Variants in CUL1 observed in about 807,000 individuals in gnomAD.
The protein encoded by CUL1 is cullin 1.
A neutral mutation model predicts 118.0 loss-of-function variants in CUL1; 24 were observed. The ratio of observed to expected loss-of-function variants is 0.20; its 90% CI spans 0.15 to 0.29. CUL1 has a LOEUF of 0.29. Among genes scored for constraint, CUL1 ranks in the 10% least tolerant of loss-of-function variants. The pLI is 1.00. For synonymous variants in CUL1, 332 were observed against 340.4 expected (o/e 0.98, Z 0.27); for missense variants, 361 against 933.8 (o/e 0.39, Z 7.99).
chr7:148,755,927 G>A (rs1799640002), intron 3 of CUL1, among the ~76,000 whole-genome samples: 1 of 152,180 alleles, frequency 6.6e-6, no homozygotes, highest in African/African-American at 2.4e-5. Context: ...AAGCCAGTGG[G>A]CTCGCCCCAG....
chr7:148,755,097 C>T (rs909575659), intron 3 of CUL1, among the ~76,000 whole-genome samples: 1 of 152,332 alleles, frequency 6.6e-6, no homozygotes, highest in South Asian at 2.1e-4. Context: ...CTCGTGACTA[C>T]GATGAGTTTC....
intron 9 of CUL1, among the ~76,000 whole-genome samples, chr7:148,778,436 A>T (rs67519861): frequency 6.6e-6 from 1 of 152,042 alleles, no homozygotes; most frequent in African/African-American, 2.4e-5. Flanking sequence ...GTCCAAGTGC[A>T]TGGTCTGCAC....
chr7:148,714,706 C>T (rs1798157208), intron 1 of CUL1, among the ~76,000 whole-genome samples: 1 of 141,010 alleles, frequency 7.1e-6, no homozygotes, highest in South Asian at 2.5e-4. Flanking sequence ...TTGAGGTTGC[C>T]AAAGGGACTC....
In CUL1 at chr7:148,698,945, G is replaced by C. The variant is rs1797615319; in HGVS notation, c.-246G>C. 1 of 153,888 alleles carries C rather than the reference G, an allele frequency of 6.5e-6. No individual in the cohort carries two copies. Among genetic ancestry groups the C allele is most frequent in the Middle Eastern group, 3.3e-3 (1 of 300 alleles). 9.5% of individuals were successfully genotyped at this position (153,888 alleles called of 1,614,324 possible). A position where few individuals can be genotyped will look rare whatever the true frequency, so the allele number is the denominator to read the frequency against. On this transcript the variant is annotated 5_prime_UTR_variant, in exon 1 of 22. Coordinates refer to ENST00000325222, the MANE Select transcript of CUL1 (RefSeq NM_003592.3). ...TAGCTGAGGGACGCAGCTAGACCTTGGCGGGACGGGGCTTTCGCCGGGGCC... is the reference window on the plus strand; with the variant it reads ...TAGCTGAGGGACGCAGCTAGACCTTCGCGGGACGGGGCTTTCGCCGGGGCC...
rs753880174 is a variant in CUL1, at chr7:148,783,864, G to A, written c.1165G>A (p.Ala389Thr). ...ALVMSAFNND[A>T]GFVAALDKAC... The stretch of plus-strand genomic sequence containing the variant: ...GGTAATGTCTGCATTCAACAATGAC[G>A]CTGGCTTTGTGGCTGCTCTTGATAA... The change falls in exon 10 of 22, where the codon GCT becomes ACT. Residue 389 changes from alanine to threonine, a missense_variant. Physicochemically the swap from Ala to Thr is moderately conservative, Grantham distance 58. This residue lies in a region of CUL1 where 169 missense variants were observed against 429.7 expected (regional missense o/e 0.39). Coordinates refer to ENST00000325222, the MANE Select transcript of CUL1 (RefSeq NM_003592.3). 2.5e-6 allele frequency: 4 copies of A among 1,614,140 alleles called. No individual in the cohort carries two copies. Among genetic ancestry groups the A allele is most frequent in the Non-Finnish European group, 3.4e-6 (4 of 1,180,020 alleles).
intron 9 of CUL1, among the ~76,000 whole-genome samples, chr7:148,777,440 A>G (rs1800438852): frequency 6.6e-6 from 1 of 152,090 alleles, no homozygotes. Flanking sequence ...TTGAAAAGAA[A>G]GTATATTCTG....
chr7:148,737,541 GAT>G (rs1261472257), intron 2 of CUL1, among the ~76,000 whole-genome samples: 5 of 148,402 alleles, frequency 3.4e-5, no homozygotes, highest in Admixed American at 6.8e-5. Flanking sequence ...TAGGAAGTAC[GAT>G]ATATGTGTGT....
intron 2 of CUL1, among the ~76,000 whole-genome samples, chr7:148,753,655 T>C (rs1013053941): frequency 6.6e-5 from 10 of 152,222 alleles, no homozygotes; most frequent in African/African-American, 2.4e-4. Context: ...CATTTTTCTT[T>C]TGGGACAGTT....
intron 1 of CUL1, among the ~76,000 whole-genome samples, chr7:148,717,597 CCATAA>C (rs1798257295): frequency 1.3e-5 from 2 of 151,948 alleles, no homozygotes; most frequent in Non-Finnish European, 2.9e-5. Context: ...CCGAAACCTT[CCATAA>C]CTCTGTCACC....
chr7:148,712,896 A>G (rs921422329), intron 1 of CUL1, among the ~76,000 whole-genome samples: 6 of 152,192 alleles, frequency 3.9e-5, no homozygotes, highest in Non-Finnish European at 7.3e-5. Flanking sequence ...TGCCTCTTGA[A>G]TTATTTCTTT....
intron 9 of CUL1, among the ~76,000 whole-genome samples, chr7:148,769,448 C>CAA (rs1491112172): frequency 1.5e-5 from 2 of 131,180 alleles, no homozygotes; most frequent in African/African-American, 2.8e-5. Flanking sequence ...CACACACACA[C>CAA]AAAACGCTCA....
chr7:148,705,845 CTGATT>C (rs1340588219), intron 1 of CUL1, among the ~76,000 whole-genome samples: 2 of 152,182 alleles, frequency 1.3e-5, no homozygotes, highest in African/African-American at 4.8e-5. Context: ...AAATTCCAGA[CTGATT>C]CTTCTGACTT....
At chr7:148,741,844 G>A (rs532172590) in intron 2 of CUL1, among the ~76,000 whole-genome samples, 63 of 152,368 alleles carry the variant, frequency 4.1e-4, no homozygotes, top group African/African-American at 1.5e-3. Flanking sequence ...AAAGTGCTGG[G>A]ATTGCGGGCA....
At chr7:148,735,654 G>C (rs2129459765) in intron 2 of CUL1, among the ~76,000 whole-genome samples, 1 of 152,302 alleles carries the variant, frequency 6.6e-6, no homozygotes, top group South Asian at 2.1e-4. Context: ...TAATTTAGGA[G>C]TCTTACATTA....
At chr7:148,779,670 G>A (rs1584811597) in intron 9 of CUL1, among the ~76,000 whole-genome samples, 1 of 152,192 alleles carries the variant, frequency 6.6e-6, no homozygotes, top group Non-Finnish European at 1.5e-5. Context: ...TGGAATCGAC[G>A]GGATATATGT....
intron 9 of CUL1, among the ~76,000 whole-genome samples, chr7:148,770,323 G>A (rs188466534): frequency 2.3e-4 from 35 of 152,256 alleles, no homozygotes; most frequent in Non-Finnish European, 3.8e-4. Context: ...ATTTTCTCCC[G>A]TGAAGAAGAG....
intron 2 of CUL1, among the ~76,000 whole-genome samples, chr7:148,738,665 G>A (rs1799041054): frequency 1.3e-5 from 2 of 152,282 alleles, no homozygotes; most frequent in Non-Finnish European, 2.9e-5. Flanking sequence ...GGCTGCCTTA[G>A]TATAAAATAC....
chr7:148,750,109 G>A (rs1377091496), intron 2 of CUL1, among the ~76,000 whole-genome samples: 2 of 152,110 alleles, frequency 1.3e-5, no homozygotes, highest in Non-Finnish European at 2.9e-5. Context: ...AGCAGAGGTT[G>A]GTTCATGCGA....
intron 9 of CUL1, among the ~76,000 whole-genome samples, chr7:148,769,396 T>TTCAC (rs1800127764): frequency 2.6e-5 from 2 of 77,308 alleles, no homozygotes; most frequent in South Asian, 8.6e-4. Flanking sequence ...AAGGGCCTGA[T>TTCAC]TCACACACAC....
Sources: allele counts gnomAD v4.1 joint callset (sites outside exome capture counted in the v4.1 genomes callset), GRCh38; gene constraint gnomAD v4.1.1; regional missense constraint gnomAD v4.1.1; transcripts MANE v1.5; gene names NCBI Gene and HGNC (gene_info 2026-07-23, HGNC 2026-07-21).